KCNT2: variants seen among roughly 807,000 people sequenced by gnomAD.
KCNT2 encodes the protein potassium sodium-activated channel subfamily T member 2.
KCNT2 carries 67 observed loss-of-function variants against 153.8 expected under a neutral mutation model. That is an observed-to-expected ratio of 0.44 (90% CI 0.36 to 0.53). KCNT2 has a LOEUF of 0.53. Among genes scored for constraint, KCNT2 ranks in the 20% least tolerant of loss-of-function variants. KCNT2 has a pLI of 0.00. For synonymous variants in KCNT2, 500 were observed against 458.8 expected, an observed-to-expected ratio of 1.09 and a Z score of -1.15; for missense variants, 975 against 1,354.8, an observed-to-expected ratio of 0.72 and a Z score of 4.40.
chr1:196,399,771 G>A (rs761125772), intron 12 of KCNT2, among the ~76,000 whole-genome samples: 8 of 151,762 alleles, frequency 5.3e-5, no homozygotes, highest in Non-Finnish European at 1.0e-4. Context: ...AGGCCTCATC[G>A]TGAGGGCAGT....
In KCNT2 at chr1:196,563,556, CAA is replaced by C. The variant is rs1469663129; in HGVS notation, c.95+44657_95+44658del. 3.3e-5 allele frequency among the ~76,000 whole-genome samples: 5 copies of C among 149,838 alleles called. No homozygotes were observed. In the East Asian group the frequency reaches 9.8e-4, roughly 29 times the overall value. On this transcript the variant is annotated intron_variant, in intron 1 of 27. Coordinates refer to ENST00000294725, the MANE Select transcript of KCNT2 (RefSeq NM_198503.5). ...ACATTACCTTCATACCAAAAATAGA[CAA>C]AGAAACTACAAGAAAAGAAAATTTT... is the stretch of plus-strand genomic sequence containing the variant.
At position 196,283,727 on chromosome 1, in the gene KCNT2, A is replaced by T. The variant is rs182567416; in HGVS notation, c.2698-1371T>A. ...GAAGTCCTCTACTTAAGTGTTTTTT[A>T]AAAAAGCCACAAAATAGTTATGAAT... On this transcript the variant is annotated intron_variant, in intron 23 of 27. Transcript: ENST00000294725. 6.3e-4 allele frequency among the ~76,000 whole-genome samples: 96 copies of T among 152,282 alleles called. 1 individual carries two copies. Among genetic ancestry groups the T allele is most frequent in the Middle Eastern group, 3.4e-3 (1 of 294 alleles).
chr1:196,288,816 C>A (rs941655388), intron 22 of KCNT2, among the ~76,000 whole-genome samples: 5 of 151,984 alleles, frequency 3.3e-5, no homozygotes, highest in Admixed American at 3.3e-4. Context: ...GGTTTTGATG[C>A]CAGTGGACAG....
chr1:196,377,332 T>C (rs1309832853), intron 13 of KCNT2, among the ~76,000 whole-genome samples: 3 of 151,478 alleles, frequency 2.0e-5, no homozygotes, highest in Admixed American at 1.3e-4. Context: ...ATCAGATACA[T>C]TTTTTTTGGT....
intron 22 of KCNT2, among the ~76,000 whole-genome samples, chr1:196,295,130 A>ATATATATG (rs1469266924): frequency 6.6e-6 from 1 of 151,576 alleles, no homozygotes; most frequent in South Asian, 2.1e-4. Flanking sequence ...CATTGTAAAT[A>ATATATATG]TATATATGTG....
chr1:196,426,839 G>A (rs1673695098), intron 10 of KCNT2, among the ~76,000 whole-genome samples: 2 of 151,874 alleles, frequency 1.3e-5, no homozygotes, highest in Non-Finnish European at 2.9e-5. Flanking sequence ...CCCCCTTGCT[G>A]TTCTCCTGAT....
chr1:196,394,159 G>C (rs938677895), intron 13 of KCNT2, among the ~76,000 whole-genome samples: 1 of 151,572 alleles, frequency 6.6e-6, no homozygotes, highest in Non-Finnish European at 1.5e-5. Context: ...CCTGGTAAAA[G>C]AAAACGAGTT....
intron 14 of KCNT2, 44 bp from the exon 15 acceptor site, chr1:196,342,272 C>A (rs1164428729): frequency 5.9e-6 from 9 of 1,533,748 alleles, no homozygotes. Flanking sequence ...AAAAAGAAAA[C>A]ACAGTGAATG....
rs544470532 is a variant in KCNT2, at chr1:196,389,752, A to C, written c.1294+8811T>G. ...ACAGATAATAGGTTTGTGTCACTGTAAATTGAAAAGTTAGTGGTAAGCTTT... is the reference window on the plus strand; with the variant it reads ...ACAGATAATAGGTTTGTGTCACTGTCAATTGAAAAGTTAGTGGTAAGCTTT... On this transcript the variant is annotated intron_variant, in intron 13 of 27. Coordinates refer to ENST00000294725, the MANE Select transcript of KCNT2 (RefSeq NM_198503.5). Among the ~76,000 whole-genome samples the C allele has an allele frequency of 1.2e-4, 18 of 151,810 alleles. No individual in the cohort carries two copies. The East Asian group carries it at 3.5e-3, about 29-fold the overall frequency.
intron 1 of KCNT2, among the ~76,000 whole-genome samples, chr1:196,524,346 G>A (rs532699964): frequency 6.6e-6 from 1 of 151,458 alleles, no homozygotes; most frequent in African/African-American, 2.4e-5. Context: ...GGGTACAAAG[G>A]TCCACGGACT....
intron 25 of KCNT2, among the ~76,000 whole-genome samples, chr1:196,273,179 G>T (rs1392546171): frequency 6.6e-6 from 1 of 151,718 alleles, no homozygotes; most frequent in African/African-American, 2.4e-5. Context: ...TAAAAACCAT[G>T]ATAATATCTT....
At chr1:196,589,291 A>T (rs1484631456) in intron 1 of KCNT2, among the ~76,000 whole-genome samples, 1 of 152,024 alleles carries the variant, frequency 6.6e-6, no homozygotes, top group Non-Finnish European at 1.5e-5. Context: ...ACACGTGAAT[A>T]GTCAAAGTAT....
At chr1:196,343,479 TAATC>T (rs1440846273) in intron 14 of KCNT2, among the ~76,000 whole-genome samples, 1 of 152,172 alleles carries the variant, frequency 6.6e-6, no homozygotes, top group Non-Finnish European at 1.5e-5. Context: ...TCATAATCTC[TAATC>T]AATTCTTAAT....
chr1:196,426,520 C>T (rs1166808991), intron 10 of KCNT2, among the ~76,000 whole-genome samples: 1 of 151,816 alleles, frequency 6.6e-6, no homozygotes, highest in Non-Finnish European at 1.5e-5. Flanking sequence ...ATTAAATGAA[C>T]ATGATATCAA....
intron 26 of KCNT2, among the ~76,000 whole-genome samples, chr1:196,252,818 T>C (rs187615588): frequency 2.6e-4 from 40 of 151,372 alleles, no homozygotes; most frequent in African/African-American, 8.2e-4. Flanking sequence ...TAGAAAGATA[T>C]CTATATTATA....
At chr1:196,299,849 TAA>T (rs1394923049) in intron 22 of KCNT2, among the ~76,000 whole-genome samples, 1 of 152,210 alleles carries the variant, frequency 6.6e-6, no homozygotes, top group Non-Finnish European at 1.5e-5. Context: ...GGAATTAACC[TAA>T]GTGTTCATCA....
intron 1 of KCNT2, among the ~76,000 whole-genome samples, chr1:196,545,903 T>C (rs929624074): frequency 4.6e-5 from 7 of 152,100 alleles, no homozygotes; most frequent in Non-Finnish European, 1.0e-4. Context: ...GATTTATTTT[T>C]ATTACTGAAT....
intron 1 of KCNT2, among the ~76,000 whole-genome samples, chr1:196,534,717 A>G (rs1655341748): frequency 6.6e-6 from 1 of 152,210 alleles, no homozygotes; most frequent in Non-Finnish European, 1.5e-5. Flanking sequence ...GTGAAAACAG[A>G]ATTTATATAT....
At chr1:196,323,529 C>T (rs73065828) in intron 19 of KCNT2, among the ~76,000 whole-genome samples, 20,906 of 151,724 alleles carry the variant, frequency 0.14, 2,457 homozygotes, top group African/African-American at 0.32. Flanking sequence ...GAACCAGTAC[C>T]AACTGAAAGA....
Sources: gnomAD v4.1 joint callset for allele counts (sites outside exome capture counted in the v4.1 genomes callset) on GRCh38, gnomAD v4.1.1 for gene constraint, MANE v1.5 for transcripts, NCBI Gene and HGNC (gene_info 2026-07-23, HGNC 2026-07-21) for gene names.